Variants in HTR2B observed in about 807,000 individuals in gnomAD.
The protein encoded by HTR2B is 5-hydroxytryptamine receptor 2B.
A neutral mutation model predicts 39.8 loss-of-function variants in HTR2B; 31 were observed. The observed-to-expected ratio is 0.78, with a 90% CI of 0.58 to 1.05. HTR2B has a LOEUF of 1.05. HTR2B is among the 50% of genes least tolerant of loss of function. The pLI is 0.00. For synonymous variants in HTR2B, 210 were observed against 207.1 expected (o/e 1.01, Z -0.12); for missense variants, 562 against 578.0 (o/e 0.97, Z 0.28).
At chr2:231,114,488 G>A (rs1695264513) in intron 2 of HTR2B, among the ~76,000 whole-genome samples, 1 of 152,132 alleles carries the variant, frequency 6.6e-6, no homozygotes, top group Admixed American at 6.5e-5. Context: ...GACAGAAATA[G>A]TTCTCAAATA....
At chr2:231,114,651 A>T (rs1351660348) in intron 2 of HTR2B, among the ~76,000 whole-genome samples, 1 of 151,932 alleles carries the variant, frequency 6.6e-6, no homozygotes, top group Non-Finnish European at 1.5e-5. Flanking sequence ...CGTAGTACTT[A>T]ATTTATTTAA....
Position 231,113,776 on chromosome 2 carries a change from C to G in HTR2B, c.506G>C (p.Arg169Pro), listed in dbSNP as rs747647526. The G allele has an allele frequency of 6.8e-6, 11 of 1,613,882 alleles. No individual in the cohort carries two copies. The African/African-American group carries it at 1.3e-4, about 20-fold the overall frequency. The change falls in exon 3 of 4, where the codon CGG (arginine) becomes CCG (proline). Residue 169 changes from arginine (R) to proline (P), a missense_variant. Coordinates refer to ENST00000258400, the MANE Select transcript of HTR2B (RefSeq NM_000867.5). ...KPIQANQYNS[R>P]ATAFIKITVV... ...TGTAATCTTGATGAATGCTGTAGCC[C>G]GTGAGTTATATTGATTGGCCTGGAT...
chr2:231,108,966 AG>A lies in HTR2B; in HGVS notation c.996del (p.Leu334CysfsTer12). ...AAGAAGGGACACCACATAAGCAAAAAGAGGAAAAACACAATCCCTAGGACCT... is the reference window on the plus strand; with the variant it reads ...AAGAAGGGACACCACATAAGCAAAAAAGGAAAAACACAATCCCTAGGACCT... ...ASKVLGIVFFLFLLMWCPFFI... is the reference protein window; with the variant it reads ...ASKVLGIVFFXFLLMWCPFFI... On this transcript the variant is annotated frameshift_variant, in exon 4 of 4. Coordinates refer to ENST00000258400, the MANE Select transcript of HTR2B (RefSeq NM_000867.5). LOFTEE classifies it high-confidence loss of function. 6.2e-7 allele frequency: 1 copy of A among 1,614,208 alleles called. No homozygotes were observed. Among genetic ancestry groups the A allele is most frequent in the Non-Finnish European group, 8.5e-7 (1 of 1,180,014 alleles).
Position 231,109,171 on chromosome 2 carries a change from C to T in HTR2B, c.792G>A (p.Val264=). 2 of 1,614,198 alleles carry T rather than the reference C, an allele frequency of 1.2e-6. No individual in the cohort carries two copies. Residue 264 remains valine, a synonymous_variant, in exon 4 of 4, where the codon GTG becomes GTA. Transcript: ENST00000258400. ...TTTCATCCCTTTGGAAAACTGTAGA[C>T]ACAGTCAACCATGTTAGGCGTTGAG... ...KPPQRLTWLT[V]STVFQRDETP...
chr2:231,124,821 C>T (rs556694761), intron 1 of HTR2B, among the ~76,000 whole-genome samples, 151 bp downstream of exon 1: 5 of 151,828 alleles, frequency 3.3e-5, no homozygotes, highest in Admixed American at 6.6e-5. Flanking sequence ...GTACAAATCA[C>T]GTTTTTAAAA....
In HTR2B at chr2:231,108,590, A is replaced by G. The variant is rs773307461; in HGVS notation, c.1373T>C (p.Ile458Thr). The change falls in exon 4 of 4, where the codon ATC (isoleucine) becomes ACC (threonine). Residue 458 changes from isoleucine to threonine, a missense_variant. Transcript: ENST00000258400. ...GAGGAGAAGCGTATCTAGTAGAATGATTGATGAAGACTGAATGGTTGAACT... is the reference window on the plus strand; with the variant it reads ...GAGGAGAAGCGTATCTAGTAGAATGGTTGATGAAGACTGAATGGTTGAACT... ...LRSSTIQSSS[I>T]ILLDTLLLTE... 36 of 1,613,856 alleles carry G rather than the reference A, an allele frequency of 2.2e-5. No individual in the cohort carries two copies. The South Asian group carries it at 2.7e-4, about 12-fold the overall frequency.
intron 1 of HTR2B, 109 bp from the exon 2 acceptor site, chr2:231,124,239 A>G (rs1559241388): frequency 1.2e-5 from 2 of 162,932 alleles, no homozygotes; most frequent in Non-Finnish European, 2.7e-5. Context: ...TGCATTTGTG[A>G]CAATGCAGCC....
At chr2:231,120,344 A>G (rs1695495640) in intron 2 of HTR2B, among the ~76,000 whole-genome samples, 1 of 152,178 alleles carries the variant, frequency 6.6e-6, no homozygotes, top group Non-Finnish European at 1.5e-5. Context: ...ATATCAGCAT[A>G]AGGTGTTGTT....
chr2:231,123,853 T>C lies in HTR2B; in HGVS notation c.-89A>G. 1 of 1,068,564 alleles carries C rather than the reference T, an allele frequency of 9.4e-7. No homozygotes were observed. Among genetic ancestry groups the C allele is most frequent in the South Asian group, 1.3e-5 (1 of 78,798 alleles). 66.2% of individuals were successfully genotyped at this position (1,068,564 alleles called of 1,614,324 possible). A position where few individuals can be genotyped will look rare whatever the true frequency, so the allele number is the denominator to read the frequency against. On this transcript the variant is annotated 5_prime_UTR_variant, in exon 2 of 4. Coordinates refer to ENST00000258400, the MANE Select transcript of HTR2B (RefSeq NM_000867.5). ...GCTCATCTGTTTTTTTAAGGCATTG[T>C]AACCATGCCAAACACTCAAAAGCCA...
At chr2:231,120,149 G>A (rs549321259) in intron 2 of HTR2B, among the ~76,000 whole-genome samples, 8 of 151,842 alleles carry the variant, frequency 5.3e-5, no homozygotes, top group Non-Finnish European at 1.0e-4. Flanking sequence ...ACAGGGTTTC[G>A]CCATCTTGGC....
rs540835209 is a variant in HTR2B at position 231,123,440 on chromosome 2, G to T, written c.325C>A (p.Pro109Thr). 3.9e-5 allele frequency: 63 copies of T among 1,613,760 alleles called. 2 individuals carry two copies. In the South Asian group the frequency reaches 6.9e-4, roughly 18 times the overall value. Residue 109 changes from proline (P) to threonine (T), a missense_variant, in exon 2 of 4, where the codon CCA (proline) becomes ACA (threonine). By Grantham distance (38) the Pro-to-Thr change is conservative (BLOSUM62 -1). Coordinates refer to ENST00000258400, the MANE Select transcript of HTR2B (RefSeq NM_000867.5). ...AACATTATTGTCAAGAGGGCAATTG[G>T]CATCACAAACAATCCAACCAGCAAA... is the stretch of plus-strand genomic sequence containing the variant. ...ADLLVGLFVM[P>T]IALLTIMFEA...
chr2:231,123,041 A>G lies in HTR2B; in HGVS notation c.352+372T>C, dbSNP rs552052760. 3.3e-5 allele frequency among the ~76,000 whole-genome samples: 5 copies of G among 152,300 alleles called. No individual in the cohort carries two copies. The South Asian group carries it at 1.0e-3, about 32-fold the overall frequency. ...TAACCCAGCGCATATCTGTCCCGGA[A>G]GTGTCCTAGTTATTGCTTTGAGGAA... On this transcript the variant is annotated intron_variant, in intron 2 of 3. Coordinates refer to ENST00000258400, the MANE Select transcript of HTR2B (RefSeq NM_000867.5).
chr2:231,116,421 C>T (rs1695336240), intron 2 of HTR2B, among the ~76,000 whole-genome samples: 2 of 152,046 alleles, frequency 1.3e-5, no homozygotes, highest in South Asian at 4.1e-4. Flanking sequence ...GAAGTCCTTA[C>T]TCTCTCTGTA....
At chr2:231,119,327 T>G (rs185983737) in intron 2 of HTR2B, among the ~76,000 whole-genome samples, 1 of 152,346 alleles carries the variant, frequency 6.6e-6, no homozygotes, top group East Asian at 1.9e-4. Context: ...TTAATTTGCA[T>G]GCAGTACTCT....
intron 2 of HTR2B, among the ~76,000 whole-genome samples, chr2:231,115,352 A>C (rs1280501651): frequency 6.6e-6 from 1 of 152,278 alleles, no homozygotes; most frequent in Non-Finnish European, 1.5e-5. Context: ...TGACACATCT[A>C]CTTTTTGGTG....
intron 3 of HTR2B, among the ~76,000 whole-genome samples, chr2:231,112,487 A>G (rs1278091398): frequency 2.0e-5 from 3 of 152,276 alleles, no homozygotes; most frequent in Middle Eastern, 6.8e-3. Flanking sequence ...AAGCCCTTAT[A>G]TCATCATTTC....
rs1349080953 is a variant in HTR2B, at chr2:231,109,031, T to A, written c.932A>T (p.Lys311Met). ...TTCGTTGGAAATGGTCTGCACTGAC[T>A]TTTTCCCAATTGTGGATGTTCTTCG... ...LMRRTSTIGKKSVQTISNEQR... is the reference protein window; with the variant it reads ...LMRRTSTIGKMSVQTISNEQR... Residue 311 changes from lysine to methionine, a missense_variant, in exon 4 of 4, where the codon AAG becomes ATG. Physicochemically the swap from Lys to Met is moderately conservative, Grantham distance 95 (BLOSUM62 -1). Transcript: ENST00000258400. The A allele has an allele frequency of 6.2e-7, 1 of 1,614,170 alleles. No homozygotes were observed. The highest frequency in any genetic ancestry group is 8.5e-7 in the Non-Finnish European group (1 of 1,179,974).
In HTR2B at chr2:231,123,654, T is replaced by C. The variant is rs747756119; in HGVS notation, c.111A>G (p.Glu37=). 1.9e-6 allele frequency: 3 copies of C among 1,613,982 alleles called. No homozygotes were observed. In the South Asian group the frequency reaches 3.3e-5, roughly 18 times the overall value. ...ISSNWSGLQT[E]SIPEEMKQIV... ...TCTGTTTCATTTCCTCTGGTATTGA[T>C]TCTGTCTGTAATCCAGACCAGTTAG... The change falls in exon 2 of 4, where the codon GAA becomes GAG. Residue 37 remains glutamate (E), a synonymous_variant. Transcript: ENST00000258400.
intron 1 of HTR2B, among the ~76,000 whole-genome samples, 171 bp from the exon 2 acceptor site, chr2:231,124,301 G>A (rs1230995514): frequency 6.6e-6 from 1 of 152,124 alleles, no homozygotes; most frequent in African/African-American, 2.4e-5. Flanking sequence ...TGAAACAGAA[G>A]ACACATTAAT....
Sources: gnomAD v4.1 joint callset for allele counts (sites outside exome capture counted in the v4.1 genomes callset) on GRCh38, gnomAD v4.1.1 for gene constraint, MANE v1.5 for transcripts, NCBI Gene and HGNC (gene_info 2026-07-23, HGNC 2026-07-21) for gene names.